Variants in TGIF1 observed in about 807,000 individuals in gnomAD.
The protein encoded by TGIF1 is homeobox protein TGIF1.
Under a neutral mutation model 19.3 loss-of-function variants are expected in TGIF1, and 4 were observed. The ratio of observed to expected loss-of-function variants is 0.21; its 90% CI spans 0.10 to 0.47. The LOEUF (loss-of-function observed/expected upper bound fraction) is 0.47. TGIF1 is among the 20% of genes least tolerant of loss of function. The pLI is 0.98. For missense variants in TGIF1, 275 were observed against 341.4 expected (o/e 0.81, Z 1.53); for synonymous variants, 122 against 129.3 (o/e 0.94, Z 0.38).
At chr18:3,423,787 C>T (rs751763211) in intron 2 of TGIF1, among the ~76,000 whole-genome samples, 4 of 151,970 alleles carry the variant, frequency 2.6e-5, no homozygotes, top group Admixed American at 2.6e-4. Context: ...CCCAGGAGGT[C>T]AAGGCTGCAG....
At chr18:3,447,882 G>A (rs1340469874), upstream of TGIF1, 5 of 1,574,388 alleles carry the variant, frequency 3.2e-6, no homozygotes, top group Non-Finnish European at 4.4e-6. Flanking sequence ...CTCCTGGAAA[G>A]TTTGTTTTCA....
intron 2 of TGIF1, among the ~76,000 whole-genome samples, chr18:3,421,993 AGACTAG>A (rs1309887497): frequency 6.6e-6 from 1 of 152,002 alleles, no homozygotes; most frequent in African/African-American, 2.4e-5. Flanking sequence ...CAGGAGTTCG[AGACTAG>A]CCTGGCCAAC....
upstream of TGIF1, among the ~76,000 whole-genome samples, chr18:3,445,756 G>GAAAA (rs1568041628): frequency 4.4e-5 from 1 of 22,746 alleles, no homozygotes. Flanking sequence ...AAAAAAAAGA[G>GAAAA]AAGAAAAGCA....
intron 2 of TGIF1, among the ~76,000 whole-genome samples, chr18:3,419,757 G>C (rs1195503400): frequency 6.6e-6 from 1 of 152,238 alleles, no homozygotes; most frequent in Non-Finnish European, 1.5e-5. Context: ...TGTAATCCCA[G>C]CACTGTGGGA....
At chr18:3,448,720 T>TTTTTTTTTTTG (rs1568043993), upstream of TGIF1, 1 of 214,120 alleles carries the variant, frequency 4.7e-6, no homozygotes, top group African/African-American at 3.9e-5. Flanking sequence ...GGGGTGTCTT[T>TTTTTTTTTTTG]TTTTTTTTTT....
At chr18:3,449,808 A>T, upstream of TGIF1, 1 of 985,604 alleles carries the variant, frequency 1.0e-6, no homozygotes, top group Non-Finnish European at 1.2e-6. Context: ...GGAGGAGGGA[A>T]GGAGGGAGGT....
chr18:3,438,782 G>A (rs1333600600), intron 2 of TGIF1, among the ~76,000 whole-genome samples: 7 of 152,144 alleles, frequency 4.6e-5, no homozygotes, highest in Non-Finnish European at 1.0e-4. Context: ...TCTGACCGGT[G>A]CAAACAGAAG....
At chr18:3,447,632 T>TG, upstream of TGIF1, 2 of 1,236,444 alleles carry the variant, frequency 1.6e-6, no homozygotes, top group African/African-American at 1.5e-5. Context: ...GGGGAGGCAG[T>TG]GGGGGTGCAT....
At chr18:3,445,229 C>A (rs2082724821), upstream of TGIF1, among the ~76,000 whole-genome samples, 1 of 152,160 alleles carries the variant, frequency 6.6e-6, no homozygotes, top group African/African-American at 2.4e-5. Context: ...TGGTGAGAAA[C>A]TGCCAGAGGA....
intron 2 of TGIF1, among the ~76,000 whole-genome samples, chr18:3,427,319 C>T (rs1272363700): frequency 6.6e-6 from 1 of 151,132 alleles, no homozygotes; most frequent in East Asian, 1.9e-4. Flanking sequence ...TGAGATGAAG[C>T]CTCACTCTGT....
chr18:3,433,498 C>G (rs143163429), intron 2 of TGIF1, among the ~76,000 whole-genome samples: 1 of 152,236 alleles, frequency 6.6e-6, no homozygotes, highest in African/African-American at 2.4e-5. Flanking sequence ...GTGAAATAAG[C>G]CAGACACAGA....
In TGIF1 at chr18:3,456,949, C is replaced by T. The variant is rs2049376230; in HGVS notation, c.243+369C>T. The T allele has an allele frequency of 3.4e-6, 2 of 579,826 alleles. No homozygotes were observed. The highest frequency in any genetic ancestry group is 6.1e-6 in the Non-Finnish European group (2 of 329,632). 35.9% of individuals were successfully genotyped at this position (579,826 alleles called of 1,614,324 possible). A position where few individuals can be genotyped will look rare whatever the true frequency, so the allele number is the denominator to read the frequency against. On this transcript the variant is annotated intron_variant, in intron 2 of 2. Transcript: ENST00000343820. The surrounding 1 kb of genome is among the most constrained non-coding windows in gnomAD (Gnocchi z 4.2). ...CACAGTCATTTGAACTGGGAAAAAT[C>T]AGTTACTGGGAGGAGTGGCCCTTTT...
upstream of TGIF1, chr18:3,447,674 T>C (rs2082767023): frequency 1.9e-6 from 3 of 1,591,298 alleles, no homozygotes; most frequent in Non-Finnish European, 2.6e-6. Flanking sequence ...AAGCTTTCGC[T>C]ACATCACAGA....
intron 2 of TGIF1, among the ~76,000 whole-genome samples, chr18:3,435,280 C>A (rs1190640957): frequency 6.6e-6 from 1 of 150,994 alleles, no homozygotes; most frequent in African/African-American, 2.4e-5. Context: ...GCAACCTCCG[C>A]CTCCCAGGTT....
chr18:3,429,929 T>C (rs939555175), intron 2 of TGIF1, among the ~76,000 whole-genome samples: 26 of 152,088 alleles, frequency 1.7e-4, no homozygotes, highest in Non-Finnish European at 2.9e-4. Flanking sequence ...CCAAGGTGGG[T>C]GGATCACCTG....
At chr18:3,452,561 T>C (rs914908179) in intron 1 of TGIF1, among the ~76,000 whole-genome samples, 1 of 151,828 alleles carries the variant, frequency 6.6e-6, no homozygotes, top group Non-Finnish European at 1.5e-5. Flanking sequence ...GGTCCTGGAG[T>C]TCCTTTGCTT....
At chr18:3,427,660 C>G (rs12962006) in intron 2 of TGIF1, among the ~76,000 whole-genome samples, 3 of 149,978 alleles carry the variant, frequency 2.0e-5, no homozygotes, top group Non-Finnish European at 4.4e-5. Flanking sequence ...AGTGCAGTGA[C>G]GGGCTCTCAG....
intron 2 of TGIF1, among the ~76,000 whole-genome samples, chr18:3,429,578 T>C (rs975272333): frequency 5.3e-5 from 8 of 152,230 alleles, no homozygotes; most frequent in Non-Finnish European, 1.0e-4. Flanking sequence ...TCAGAGAAGA[T>C]AGTAAATGAA....
At chr18:3,453,197 C>T (rs1267293403) in intron 1 of TGIF1, among the ~76,000 whole-genome samples, 1 of 152,094 alleles carries the variant, frequency 6.6e-6, no homozygotes, top group African/African-American at 2.4e-5. Context: ...CTTGGCCTCC[C>T]AAAGTTCTGG....
Sources: gnomAD v4.1 joint callset for allele counts (sites outside exome capture counted in the v4.1 genomes callset) on GRCh38, gnomAD v4.1.1 for gene constraint, Gnocchi (gnomAD v3.1) non-coding constraint, MANE v1.5 for transcripts, NCBI Gene and HGNC (gene_info 2026-07-23, HGNC 2026-07-21) for gene names.